The following SGMS1 variants were observed in gnomAD, a reference collection of about 807,000 sequenced individuals.
The protein encoded by SGMS1 is phosphatidylcholine:ceramide cholinephosphotransferase 1.
SGMS1 carries 13 observed loss-of-function variants against 46.2 expected under a neutral mutation model. The ratio of observed to expected loss-of-function variants is 0.28; its 90% confidence interval spans 0.18 to 0.45. SGMS1 has a LOEUF of 0.45. Ranked by LOEUF, SGMS1 falls within the 20% of genes least tolerant of loss-of-function variation. The pLI is 1.00. For synonymous variants in SGMS1, 203 were observed against 187.8 expected, an observed-to-expected ratio of 1.08 and a Z score of -0.66; for missense variants, 324 against 519.9, an observed-to-expected ratio of 0.62 and a Z score of 3.66.
intron 6 of SGMS1, among the ~76,000 whole-genome samples, chr10:50,384,213 C>T (rs910201356): frequency 6.6e-6 from 1 of 152,112 alleles, no homozygotes; most frequent in East Asian, 1.9e-4. Context: ...ATCTCCAAGA[C>T]TATTAAGATT....
At chr10:50,561,089 CAATTGACAGAAACAT>C (rs1193608700) in intron 2 of SGMS1, among the ~76,000 whole-genome samples, 7 of 152,232 alleles carry the variant, frequency 4.6e-5, no homozygotes, top group African/African-American at 1.7e-4. Flanking sequence ...TTAACTGGTA[CAATTGACAGAAACAT>C]AATAAGACTA....
intron 6 of SGMS1, among the ~76,000 whole-genome samples, chr10:50,362,958 G>A (rs1440839517): frequency 6.6e-6 from 1 of 152,086 alleles, no homozygotes; most frequent in African/African-American, 2.4e-5. Flanking sequence ...AAAAAATAAA[G>A]TATATAAATA....
At chr10:50,310,523 T>C (rs1247223918) in intron 9 of SGMS1, among the ~76,000 whole-genome samples, 1 of 152,112 alleles carries the variant, frequency 6.6e-6, no homozygotes, top group Non-Finnish European at 1.5e-5. Flanking sequence ...CATTTATGTA[T>C]ATAAATTTAA....
intron 2 of SGMS1, among the ~76,000 whole-genome samples, chr10:50,559,657 C>A (rs189648966): frequency 1.3e-5 from 2 of 152,278 alleles, no homozygotes; most frequent in East Asian, 3.9e-4. Context: ...GGCCACCCTG[C>A]CCTTAGGGCA....
chr10:50,476,101 A>AAAG (rs2133709267), intron 3 of SGMS1, among the ~76,000 whole-genome samples: 1 of 132,148 alleles, frequency 7.6e-6, no homozygotes, highest in East Asian at 2.3e-4. Context: ...AAAATACAAA[A>AAAG]AAAAAAAAAA....
rs765032191 is a variant in SGMS1 at position 50,311,398 on chromosome 10, T to C, written c.759A>G (p.Glu253=). ...NCSPKLFGDW[E]AQLRRIMKLI... is the part of the protein sequence containing the mutation. The stretch of plus-strand genomic sequence containing the variant: ...GCTTCATTATTCTTCGCAGTTGGGC[T>C]TCCCAGTCTCCGAAAAGCTGGCAGA... Residue 253 remains glutamate (E), a synonymous_variant, in exon 9 of 11, where the codon GAA becomes GAG. Transcript: ENST00000361781. 5.0e-6 allele frequency: 8 copies of C among 1,613,486 alleles called. No individual in the cohort carries two copies. The Admixed American group carries it at 5.0e-5, about 10-fold the overall frequency.
chr10:50,625,016 C>A (rs1376206421), upstream of SGMS1: 5 of 1,007,422 alleles, frequency 5.0e-6, no homozygotes, highest in Admixed American at 6.0e-5. Context: ...GGACCGTCCT[C>A]CCCCGCCACG....
intron 2 of SGMS1, among the ~76,000 whole-genome samples, chr10:50,535,786 A>G (rs1219702003): frequency 6.6e-6 from 1 of 151,866 alleles, no homozygotes; most frequent in Non-Finnish European, 1.5e-5. Flanking sequence ...ATGCTCTCAC[A>G]CCTCTGATTC....
chr10:50,468,567 C>T (rs1476763767), intron 3 of SGMS1, among the ~76,000 whole-genome samples: 1 of 152,166 alleles, frequency 6.6e-6, no homozygotes, highest in East Asian at 1.9e-4. Context: ...TGTGCTTTCC[C>T]ACTGTAACGG....
chr10:50,620,704 T>C (rs1049221472), intron 1 of SGMS1, among the ~76,000 whole-genome samples: 3 of 152,166 alleles, frequency 2.0e-5, no homozygotes, highest in African/African-American at 7.2e-5. Context: ...CACTCATGCC[T>C]CCCTCCTAAA....
Position 50,574,961 on chromosome 10 carries a change from G to GTATATATATATATATATATATATATATA in SGMS1, c.-589+15191_-589+15192insTATATATATATATATATATATATATATA, listed in dbSNP as rs1491469065. On this transcript the variant is annotated intron_variant, in intron 2 of 10. Coordinates refer to ENST00000361781, the MANE Select transcript of SGMS1 (RefSeq NM_147156.4). Reference sequence around the variant, plus strand: ...ATAAACATTTTAAAAGGAAAATGTGGTGTATATATATATATATATATATAA... The same window carrying GTATATATATATATATATATATATATATA: ...ATAAACATTTTAAAAGGAAAATGTGGTATATATATATATATATATATATATATATGTATATATATATATATATATATAA... Among the ~76,000 whole-genome samples, 308 of 45,004 alleles carry GTATATATATATATATATATATATATATA rather than the reference G, an allele frequency of 6.8e-3. 19 individuals carry two copies. Among genetic ancestry groups the GTATATATATATATATATATATATATATA allele is most frequent in the Non-Finnish European group, 9.1e-3 (204 of 22,524 alleles). The allele number at this position is 45,004 out of a possible 152,430, so 29.5% of individuals were successfully genotyped here.
intron 6 of SGMS1, among the ~76,000 whole-genome samples, chr10:50,358,921 G>A (rs1848201238): frequency 6.6e-6 from 1 of 152,180 alleles, no homozygotes; most frequent in South Asian, 2.1e-4. Flanking sequence ...CAGCCACATA[G>A]TTTCAGCTGA....
intron 6 of SGMS1, among the ~76,000 whole-genome samples, chr10:50,384,626 T>C (rs1038370582): frequency 2.0e-5 from 3 of 152,082 alleles, no homozygotes; most frequent in African/African-American, 7.2e-5. Context: ...TTTAATTTTA[T>C]TTTTGTAGAG....
At chr10:50,328,918 A>G (rs1016100606) in intron 7 of SGMS1, among the ~76,000 whole-genome samples, 1 of 152,250 alleles carries the variant, frequency 6.6e-6, no homozygotes, top group Non-Finnish European at 1.5e-5. Context: ...TCTACATTGT[A>G]AGACATAATG....
chr10:50,357,701 A>G (rs1475069767), intron 6 of SGMS1, among the ~76,000 whole-genome samples: 2 of 152,244 alleles, frequency 1.3e-5, no homozygotes, highest in Non-Finnish European at 1.5e-5. Context: ...CATAAAATGT[A>G]AGAAATTATT....
At chr10:50,417,798 C>T (rs1849195390) in intron 6 of SGMS1, among the ~76,000 whole-genome samples, 1 of 152,194 alleles carries the variant, frequency 6.6e-6, no homozygotes, top group African/African-American at 2.4e-5. Flanking sequence ...GGTTCTCATG[C>T]CACGGCAGTT....
rs1033320608 is a variant in SGMS1 at position 50,306,267 on chromosome 10, T to C, written c.*875A>G. 2 of 152,568 alleles carry C rather than the reference T, an allele frequency of 1.3e-5. No individual in the cohort carries two copies. Among genetic ancestry groups the C allele is most frequent in the Non-Finnish European group, 2.9e-5 (2 of 68,020 alleles). The allele number at this position is 152,568 out of a possible 1,614,324, so 9.5% of individuals were successfully genotyped here. On this transcript the variant is annotated 3_prime_UTR_variant, in exon 11 of 11. Transcript: ENST00000361781. ...GCAATTTTAAAACCATAAGCAGTCT[T>C]CTGATTCAATTTAGCTATAAATGCA... is the stretch of plus-strand genomic sequence containing the variant.
intron 2 of SGMS1, among the ~76,000 whole-genome samples, chr10:50,541,058 AC>A (rs752471833): frequency 2.6e-5 from 4 of 152,202 alleles, no homozygotes; most frequent in Non-Finnish European, 5.9e-5. Flanking sequence ...TGCTTCAGAT[AC>A]ATTCAATTAG....
At chr10:50,586,408 G>A (rs994992485) in intron 2 of SGMS1, among the ~76,000 whole-genome samples, 8 of 152,198 alleles carry the variant, frequency 5.3e-5, no homozygotes, top group Admixed American at 1.3e-4. Context: ...ACTGGCTTCC[G>A]GGGATGTGGC....
Sources: allele counts gnomAD v4.1 joint callset (sites outside exome capture counted in the v4.1 genomes callset), GRCh38; gene constraint gnomAD v4.1.1; transcripts MANE v1.5; gene names NCBI Gene and HGNC (gene_info 2026-07-23, HGNC 2026-07-21).